Variants in PPP1R7 observed in about 807,000 individuals in gnomAD.
PPP1R7 encodes protein phosphatase 1 regulatory subunit 22.
In PPP1R7, 18 loss-of-function variants were observed where a neutral mutation model predicts 45.2. The ratio of observed to expected loss-of-function variants is 0.40; its 90% CI spans 0.28 to 0.59. PPP1R7 has a LOEUF of 0.59. Ranked by LOEUF, PPP1R7 falls within the 20% of genes least tolerant of loss-of-function variation. PPP1R7 has a pLI of 0.46. For synonymous variants in PPP1R7, 181 were observed against 183.4 expected (o/e 0.99, Z 0.11); for missense variants, 314 against 455.8 (o/e 0.69, Z 2.83).
intron 4 of PPP1R7, 99 bp from the exon 5 acceptor site, chr2:241,159,114 T>A: frequency 7.2e-7 from 1 of 1,392,934 alleles, no homozygotes; most frequent in South Asian, 1.3e-5. Context: ...GACATGTCCT[T>A]CTACCAGAAA....
Position 241,162,408 on chromosome 2 carries a change from A to G in PPP1R7, c.598-877A>G, listed in dbSNP as rs368982680. Among the ~76,000 whole-genome samples the G allele has an allele frequency of 1.8e-3, 273 of 152,312 alleles. 2 individuals carry two copies. The highest frequency in any genetic ancestry group is 6.2e-3 in the African/African-American group (259 of 41,572). On this transcript the variant is annotated intron_variant, in intron 6 of 9. Transcript: ENST00000234038. ...GAGGAGGGAAACTGAAGTCAAATCA[A>G]TAAACAGTCATTAAACATCCTGCTG...
intron 2 of PPP1R7, among the ~76,000 whole-genome samples, chr2:241,156,675 TAA>T: frequency 6.6e-6 from 1 of 151,676 alleles, no homozygotes; most frequent in African/African-American, 2.4e-5. Flanking sequence ...CCCTGTCTCT[TAA>T]AAAAAAATTA....
In PPP1R7 at chr2:241,163,271, T is replaced by C. The variant is rs2149058380; in HGVS notation, c.598-14T>C. 2.5e-6 allele frequency: 4 copies of C among 1,580,442 alleles called. No homozygotes were observed. In the East Asian group the frequency reaches 9.0e-5, roughly 35 times the overall value. On this transcript the variant is annotated splice_polypyrimidine_tract_variant and intron_variant, in intron 6 of 9. Transcript: ENST00000234038. ...TCAACTGCAGTACTCATTGCTGTTC[T>C]GTCCTTTCCACAGGCAATCGAAAAT...
intron 6 of PPP1R7, among the ~76,000 whole-genome samples, chr2:241,162,591 A>G (rs1004663715): frequency 3.3e-5 from 5 of 151,920 alleles, no homozygotes; most frequent in Admixed American, 6.6e-5. Flanking sequence ...AGGGCCCCCC[A>G]GGAATCCTAA....
At position 241,183,144 on chromosome 2, in the gene PPP1R7, C is replaced by T. The variant is rs1356814739; in HGVS notation, c.*321C>T. The T allele has an allele frequency of 2.5e-6, 1 of 404,054 alleles. No homozygotes were observed. The highest frequency in any genetic ancestry group is 4.7e-6 in the Non-Finnish European group (1 of 212,038). The allele number at this position is 404,054 out of a possible 1,614,324, so 25.0% of individuals were successfully genotyped here. A position where few individuals can be genotyped will look rare whatever the true frequency, so the allele number is the denominator to read the frequency against. On this transcript the variant is annotated 3_prime_UTR_variant, in exon 10 of 10. Coordinates refer to ENST00000234038, the MANE Select transcript of PPP1R7 (RefSeq NM_002712.3). ...AGGCAGTCACAGTCCCTACCTGAGT[C>T]GTGTGAAACACAGGGCCTGAGAGTG...
intron 9 of PPP1R7, among the ~76,000 whole-genome samples, chr2:241,175,151 C>A (rs1348961092): frequency 1.3e-5 from 2 of 152,142 alleles, no homozygotes; most frequent in African/African-American, 2.4e-5. Flanking sequence ...ACTTTGTTTT[C>A]CCTCCCAATT....
At chr2:241,160,560 A>C (rs1422077124) in intron 6 of PPP1R7, 66 bp downstream of exon 6, 2 of 1,405,638 alleles carry the variant, frequency 1.4e-6, no homozygotes, top group African/African-American at 2.9e-5. Context: ...GTGTGGACTC[A>C]GTGGGTGTAT....
intron 4 of PPP1R7, 173 bp downstream of exon 4, chr2:241,158,722 C>G: frequency 3.2e-6 from 2 of 632,944 alleles, no homozygotes; most frequent in Non-Finnish European, 5.5e-6. Flanking sequence ...TGTGAGACAG[C>G]AGTCGAGGGA....
upstream of PPP1R7, chr2:241,150,117 C>T: frequency 2.4e-6 from 3 of 1,260,088 alleles, no homozygotes; most frequent in South Asian, 2.2e-5. Flanking sequence ...CGCGGCCCCT[C>T]CACGCCTCCG....
intron 7 of PPP1R7, among the ~76,000 whole-genome samples, chr2:241,164,440 G>A (rs2067663185): frequency 6.6e-6 from 1 of 152,186 alleles, no homozygotes. Context: ...CTTTTGTGTT[G>A]GAAGCAAATT....
intron 2 of PPP1R7, among the ~76,000 whole-genome samples, chr2:241,155,941 T>TACAG (rs982849886): frequency 6.6e-6 from 1 of 152,260 alleles, no homozygotes; most frequent in African/African-American, 2.4e-5. Context: ...TGGTATCCTT[T>TACAG]ACAGTTGTGG....
intron 1 of PPP1R7, among the ~76,000 whole-genome samples, chr2:241,152,923 C>T (rs2067357287): frequency 6.6e-6 from 1 of 152,210 alleles, no homozygotes; most frequent in Admixed American, 6.5e-5. Flanking sequence ...CACCAATGAG[C>T]TTTCTGTGGG....
At chr2:241,164,619 C>G (rs1031387418) in intron 7 of PPP1R7, among the ~76,000 whole-genome samples, 1 of 152,258 alleles carries the variant, frequency 6.6e-6, no homozygotes, top group East Asian at 1.9e-4. Context: ...AAGTTCTTGG[C>G]CTGGTACAGT....
chr2:241,178,922 A>T (rs556848836), intron 9 of PPP1R7, among the ~76,000 whole-genome samples: 20 of 151,774 alleles, frequency 1.3e-4, no homozygotes, highest in Middle Eastern at 3.4e-3. Flanking sequence ...CCAGTTGTTT[A>T]TGAAATGTAT....
intron 7 of PPP1R7, among the ~76,000 whole-genome samples, chr2:241,165,909 A>AT (rs1575396680): frequency 9.7e-6 from 1 of 102,762 alleles, no homozygotes; most frequent in South Asian, 3.0e-4. Context: ...TTATATATAT[A>AT]TATTTTTTTT....
At chr2:241,172,246 G>A (rs2067830229) in intron 9 of PPP1R7, among the ~76,000 whole-genome samples, 1 of 150,322 alleles carries the variant, frequency 6.7e-6, no homozygotes, top group African/African-American at 2.4e-5. Context: ...TTGGAGGGAG[G>A]GTTGTTTTAG....
Position 241,183,569 on chromosome 2 carries a change from CT to C in PPP1R7, c.*747del. 1 of 405,260 alleles carries C rather than the reference CT, an allele frequency of 2.5e-6. No homozygotes were observed. Among genetic ancestry groups the C allele is most frequent in the Non-Finnish European group, 5.1e-6 (1 of 197,486 alleles). The allele number at this position is 405,260 out of a possible 1,614,324, so 25.1% of individuals were successfully genotyped here. On this transcript the variant is annotated 3_prime_UTR_variant, in exon 10 of 10. Coordinates refer to ENST00000234038, the MANE Select transcript of PPP1R7 (RefSeq NM_002712.3). ...CAAAGACGGCCTCCAAGGATCTGAACTCTTGGCCACTGGTATAGTGGCCTCC... is the reference window on the plus strand; with the variant it reads ...CAAAGACGGCCTCCAAGGATCTGAACCTTGGCCACTGGTATAGTGGCCTCC...
At chr2:241,160,258 AGT>A (rs2067555151) in intron 5 of PPP1R7, 72 bp from the exon 6 acceptor site, 2 of 1,186,820 alleles carry the variant, frequency 1.7e-6, no homozygotes, top group South Asian at 3.1e-5. Context: ...CGCCACCTTT[AGT>A]GGTTAAATTG....
chr2:241,181,580 G>A (rs185557105), intron 9 of PPP1R7, among the ~76,000 whole-genome samples: 6 of 152,202 alleles, frequency 3.9e-5, no homozygotes, highest in African/African-American at 1.4e-4. Flanking sequence ...GTGCAGAGCA[G>A]AGGTCCAGAA....
Sources: gnomAD v4.1 joint callset for allele counts (sites outside exome capture counted in the v4.1 genomes callset) on GRCh38, gnomAD v4.1.1 for gene constraint, MANE v1.5 for transcripts, NCBI Gene and HGNC (gene_info 2026-07-23, HGNC 2026-07-21) for gene names.